The following PTPRD variants were observed in gnomAD, a reference collection of about 807,000 sequenced individuals.
PTPRD encodes protein tyrosine phosphatase receptor type D.
Under a neutral mutation model 214.5 loss-of-function variants are expected in PTPRD, and 34 were observed. The observed-to-expected ratio is 0.16, with a 90% CI of 0.12 to 0.21. PTPRD has a LOEUF of 0.21. Among genes scored for constraint, PTPRD ranks in the 10% least tolerant of loss-of-function variants. PTPRD has a pLI of 1.00. For synonymous variants in PTPRD, 1,128 were observed against 845.7 expected (o/e 1.33, Z -5.79); for missense variants, 2,545 against 2,398.7 (o/e 1.06, Z -1.27).
intron 3 of PTPRD, among the ~76,000 whole-genome samples, chr9:10,103,553 A>T (rs1057131668): frequency 1.3e-5 from 2 of 151,208 alleles, no homozygotes; most frequent in African/African-American, 4.9e-5. Context: ...GAATTATACA[A>T]TATAAGCCCC....
intron 10 of PTPRD, among the ~76,000 whole-genome samples, chr9:9,148,575 C>T (rs2099872583): frequency 2.0e-5 from 3 of 152,106 alleles, no homozygotes; most frequent in African/African-American, 7.2e-5. Context: ...GATGAGACTG[C>T]TTGGTCCCCA....
intron 7 of PTPRD, among the ~76,000 whole-genome samples, chr9:9,681,784 T>C (rs933337906): frequency 6.6e-6 from 1 of 151,798 alleles, no homozygotes; most frequent in African/African-American, 2.4e-5. Context: ...CACTAGAGAA[T>C]TGATTTCCTA....
At chr9:9,203,742 A>T (rs2099943211) in intron 9 of PTPRD, among the ~76,000 whole-genome samples, 1 of 152,128 alleles carries the variant, frequency 6.6e-6, no homozygotes, top group African/African-American at 2.4e-5. Context: ...GCAGTTTCTG[A>T]TGTAGCAAGC....
At chr9:8,590,426 G>T (rs913341920) in intron 14 of PTPRD, among the ~76,000 whole-genome samples, 5 of 152,072 alleles carry the variant, frequency 3.3e-5, no homozygotes, top group African/African-American at 4.8e-5. Context: ...CTTATCAGAG[G>T]GTGGGTAGAA....
At chr9:9,990,349 G>C (rs2095870478) in intron 4 of PTPRD, among the ~76,000 whole-genome samples, 1 of 152,192 alleles carries the variant, frequency 6.6e-6, no homozygotes, top group Non-Finnish European at 1.5e-5. Flanking sequence ...ATGTACGTTT[G>C]GCCCAGCCAT....
intron 2 of PTPRD, among the ~76,000 whole-genome samples, chr9:10,420,461 T>C (rs1246501077): frequency 6.6e-6 from 1 of 151,932 alleles, no homozygotes; most frequent in East Asian, 1.9e-4. Flanking sequence ...GTGGCCAAGG[T>C]TGAGAGTGCT....
chr9:10,126,204 A>C lies in PTPRD; in HGVS notation c.-544-92414T>G, dbSNP rs2098817892. 2.0e-5 allele frequency among the ~76,000 whole-genome samples: 3 copies of C among 152,092 alleles called. No individual in the cohort carries two copies. In the South Asian group the frequency reaches 6.2e-4, roughly 31 times the overall value. ...CTGTTATTACAGTTGAGAAATAGTG[A>C]GCTCGATTTTCCTGACCCCCTTCTC... On this transcript the variant is annotated intron_variant, in intron 3 of 45. Transcript: ENST00000381196.
intron 2 of PTPRD, among the ~76,000 whole-genome samples, chr9:10,573,238 G>T (rs116112043): frequency 0.015 from 2,290 of 152,174 alleles, 59 homozygotes; most frequent in African/African-American, 0.052. Flanking sequence ...TGTACATTTT[G>T]ATGTTTTTTT....
intron 39 of PTPRD, among the ~76,000 whole-genome samples, chr9:8,367,305 T>A (rs144216982): frequency 6.6e-6 from 1 of 152,302 alleles, no homozygotes; most frequent in African/African-American, 2.4e-5. Context: ...AAAATTAGTT[T>A]TATTACCATA....
intron 7 of PTPRD, among the ~76,000 whole-genome samples, chr9:9,624,922 G>A (rs1341707054): frequency 6.6e-6 from 1 of 151,938 alleles, no homozygotes. Flanking sequence ...CTTATTAAGT[G>A]TGCTTTTCTT....
At chr9:10,492,345 C>T (rs1039599397) in intron 2 of PTPRD, among the ~76,000 whole-genome samples, 3 of 151,906 alleles carry the variant, frequency 2.0e-5, no homozygotes, top group African/African-American at 7.2e-5. Flanking sequence ...TAAAAGTGTT[C>T]CTATTTTTTC....
chr9:8,548,036 C>A lies in PTPRD; in HGVS notation c.353-19257G>T, dbSNP rs899099070. 5.6e-4 allele frequency among the ~76,000 whole-genome samples: 85 copies of A among 152,108 alleles called. 1 individual carries two copies. Among genetic ancestry groups the A allele is most frequent in the African/African-American group, 1.7e-3 (72 of 41,416 alleles). Reference sequence around the variant, plus strand: ...ACAGAAAATGTGTCAACTAATCAAACCCTAAGGGAGCACAGGGGTGAATAA... The same window carrying A: ...ACAGAAAATGTGTCAACTAATCAAAACCTAAGGGAGCACAGGGGTGAATAA... On this transcript the variant is annotated intron_variant, in intron 14 of 45. Transcript: ENST00000381196.
intron 9 of PTPRD, among the ~76,000 whole-genome samples, chr9:9,237,638 T>G (rs1215618999): frequency 6.6e-6 from 1 of 151,958 alleles, no homozygotes; most frequent in Non-Finnish European, 1.5e-5. Flanking sequence ...TTGCAATAAT[T>G]TTTTTTTAAG....
intron 3 of PTPRD, among the ~76,000 whole-genome samples, chr9:10,069,550 A>G (rs2097954567): frequency 6.6e-6 from 1 of 152,034 alleles, no homozygotes; most frequent in African/African-American, 2.4e-5. Context: ...TCTTTCTCTC[A>G]CAAAACCAGA....
intron 4 of PTPRD, among the ~76,000 whole-genome samples, chr9:10,033,114 T>G (rs577862128): frequency 1.3e-3 from 198 of 150,976 alleles, no homozygotes; most frequent in Middle Eastern, 0.01. Context: ...TTTCTGTACA[T>G]GTACCTACAG....
At chr9:9,766,036 T>C (rs1236385223) in intron 6 of PTPRD, among the ~76,000 whole-genome samples, 1 of 152,230 alleles carries the variant, frequency 6.6e-6, no homozygotes, top group Non-Finnish European at 1.5e-5. Flanking sequence ...TGATAATTAA[T>C]AGCTCCTGTA....
chr9:10,235,931 C>A (rs2099627456), intron 3 of PTPRD, among the ~76,000 whole-genome samples: 1 of 151,886 alleles, frequency 6.6e-6, no homozygotes, highest in Non-Finnish European at 1.5e-5. Context: ...CATTCCAGAA[C>A]CTCAGGGTCT....
Position 8,595,049 on chromosome 9 carries a change from G to C in PTPRD, c.352+38268C>G, listed in dbSNP as rs1161823988. Among the ~76,000 whole-genome samples, 4 of 151,578 alleles carry C rather than the reference G, an allele frequency of 2.6e-5. No homozygotes were observed. The East Asian group carries it at 7.8e-4, about 30-fold the overall frequency. ...AGCTAATTTTTTTGTATTTTTAGTA[G>C]AGACGTGGTTTCTCCGTGTTAGCCA... On this transcript the variant is annotated intron_variant, in intron 14 of 45. Coordinates refer to ENST00000381196, the MANE Select transcript of PTPRD (RefSeq NM_002839.4).
intron 9 of PTPRD, among the ~76,000 whole-genome samples, chr9:9,322,038 G>C (rs569894898): frequency 2.6e-5 from 4 of 152,230 alleles, no homozygotes; most frequent in South Asian, 4.1e-4. Flanking sequence ...CAAATCACTA[G>C]AAGTTCTGAT....
Sources: allele counts gnomAD v4.1 joint callset (sites outside exome capture counted in the v4.1 genomes callset), GRCh38; gene constraint gnomAD v4.1.1; transcripts MANE v1.5; gene names NCBI Gene and HGNC (gene_info 2026-07-23, HGNC 2026-07-21).